The following RFTN1 variants were observed in gnomAD, a reference collection of about 807,000 sequenced individuals.
RFTN1 encodes the protein raftlin, lipid raft linker 1, also known as raftlin.
RFTN1 carries 26 observed loss-of-function variants against 46.5 expected under a neutral mutation model. That is an observed-to-expected ratio of 0.56 (90% CI 0.41 to 0.78). The LOEUF is 0.78. Among genes scored for constraint, RFTN1 ranks in the 30% least tolerant of loss-of-function variants. The pLI is 0.00. For missense variants in RFTN1, 693 were observed against 718.7 expected (o/e 0.96, Z 0.41); for synonymous variants, 261 against 284.2 (o/e 0.92, Z 0.82).
intron 7 of RFTN1, 55 bp downstream of exon 7, chr3:16,357,877 G>A: frequency 8.9e-7 from 1 of 1,117,518 alleles, no homozygotes. Context: ...CAAGCAGGCG[G>A]ATAAAACAAG....
intron 4 of RFTN1, among the ~76,000 whole-genome samples, chr3:16,399,931 C>T (rs1575223427): frequency 1.3e-5 from 2 of 152,208 alleles, no homozygotes; most frequent in African/African-American, 4.8e-5. Context: ...TGTCAAGACG[C>T]TCCACCTAAA....
Position 16,356,543 on chromosome 3 carries a change from G to C in RFTN1, c.1146+1389C>G, listed in dbSNP as rs2072446882. Reference sequence around the variant, plus strand: ...TTCACGTGTGCTGGGAACTGCTGCAGCTTCAAAGCTGAGTAATAGTGTCCC... The same window carrying C: ...TTCACGTGTGCTGGGAACTGCTGCACCTTCAAAGCTGAGTAATAGTGTCCC... On this transcript the variant is annotated intron_variant, in intron 7 of 9. Coordinates refer to ENST00000334133, the MANE Select transcript of RFTN1 (RefSeq NM_015150.2). This position sits in a 1 kb window ranked among gnomAD's most constrained non-coding sequence, Gnocchi z 4.9. Among the ~76,000 whole-genome samples, 1 of 152,230 alleles carries C rather than the reference G, an allele frequency of 6.6e-6. No individual in the cohort carries two copies. Among genetic ancestry groups the C allele is most frequent in the South Asian group, 2.1e-4 (1 of 4,826 alleles).
chr3:16,508,334 A>G (rs1348351692), intron 1 of RFTN1, among the ~76,000 whole-genome samples: 1 of 152,214 alleles, frequency 6.6e-6, no homozygotes, highest in East Asian at 1.9e-4. Context: ...CAAGTACCCC[A>G]AATGGTGTCT....
Position 16,500,670 on chromosome 3 carries a change from T to G in RFTN1, c.-8-6793A>C, listed in dbSNP as rs1287510077. On this transcript the variant is annotated intron_variant, in intron 1 of 9. Transcript: ENST00000334133. The surrounding 1 kb of genome is among the most constrained non-coding windows in gnomAD (Gnocchi z 5.9). ...TGAATGGTGATCTTCTGGAAAAAAT[T>G]TTGGCTGAATCAAACCTTAAGTGGG... Among the ~76,000 whole-genome samples, 1 of 152,146 alleles carries G rather than the reference T, an allele frequency of 6.6e-6. No individual in the cohort carries two copies. The highest frequency in any genetic ancestry group is 1.5e-5 in the Non-Finnish European group (1 of 68,018).
chr3:16,324,209 T>C (rs936179542), intron 8 of RFTN1, among the ~76,000 whole-genome samples: 11 of 152,236 alleles, frequency 7.2e-5, no homozygotes, highest in African/African-American at 2.4e-4. Context: ...TGTTTTGATA[T>C]ATGTTTACAA....
At chr3:16,510,472 G>A (rs910923966) in intron 1 of RFTN1, among the ~76,000 whole-genome samples, 9 of 152,082 alleles carry the variant, frequency 5.9e-5, no homozygotes, top group Non-Finnish European at 1.0e-4. Context: ...TCATCTGATC[G>A]TCTGCAATGA....
In RFTN1 at chr3:16,447,883, G is replaced by A. The variant is rs1238613179; in HGVS notation, c.146-13846C>T. 2.6e-5 allele frequency among the ~76,000 whole-genome samples: 4 copies of A among 152,208 alleles called. No homozygotes were observed. Among genetic ancestry groups the A allele is most frequent in the African/African-American group, 9.7e-5 (4 of 41,440 alleles). On this transcript the variant is annotated intron_variant, in intron 2 of 9. Coordinates refer to ENST00000334133, the MANE Select transcript of RFTN1 (RefSeq NM_015150.2). The surrounding 1 kb of genome is among the most constrained non-coding windows in gnomAD (Gnocchi z 5.9). ...GCCATGGAGAAGTCTGGCCTTTGAG[G>A]TTACGCATGAGGATCTGATAGGCAT...
At chr3:16,389,078 T>G (rs1215483594) in intron 4 of RFTN1, among the ~76,000 whole-genome samples, 1 of 152,240 alleles carries the variant, frequency 6.6e-6, no homozygotes, top group Non-Finnish European at 1.5e-5. Context: ...TGCTTTAACA[T>G]CCAGTATTCG....
chr3:16,475,336 C>T lies in RFTN1; in HGVS notation c.145+18389G>A, dbSNP rs990955462. ...GACACCTAGTATGTTTAGAGTTTTG[C>T]TTACCAGCCCCACAATTTTTGAATC... On this transcript the variant is annotated intron_variant, in intron 2 of 9. Transcript: ENST00000334133. This position sits in a 1 kb window ranked among gnomAD's most constrained non-coding sequence, Gnocchi z 4.2. Among the ~76,000 whole-genome samples the T allele has an allele frequency of 1.3e-5, 2 of 152,214 alleles. No individual in the cohort carries two copies. The highest frequency in any genetic ancestry group is 2.4e-5 in the African/African-American group (1 of 41,448).
Position 16,475,007 on chromosome 3 carries a change from A to G in RFTN1, c.145+18718T>C, listed in dbSNP as rs1036555288. The stretch of plus-strand genomic sequence containing the variant: ...GGGCCTAGTGGGAGGTGTTTGGGTC[A>G]TAGGGGCGGATCCCTCACGAAAGGC... On this transcript the variant is annotated intron_variant, in intron 2 of 9. Transcript: ENST00000334133. The surrounding 1 kb of genome is among the most constrained non-coding windows in gnomAD (Gnocchi z 4.2). Among the ~76,000 whole-genome samples, 1 of 152,194 alleles carries G rather than the reference A, an allele frequency of 6.6e-6. No individual in the cohort carries two copies. The highest frequency in any genetic ancestry group is 2.1e-4 in the South Asian group (1 of 4,834).
intron 2 of RFTN1, among the ~76,000 whole-genome samples, chr3:16,455,135 G>A (rs772887393): frequency 2.0e-5 from 3 of 152,224 alleles, no homozygotes; most frequent in Non-Finnish European, 4.4e-5. Context: ...GCTCACAAGA[G>A]TTGGACCCTG....
rs1368516964 is a variant in RFTN1 at position 16,427,870 on chromosome 3, T to C, written c.332+5981A>G. Among the ~76,000 whole-genome samples the C allele has an allele frequency of 2.0e-5, 3 of 152,036 alleles. No homozygotes were observed. The highest frequency in any genetic ancestry group is 7.2e-5 in the African/African-American group (3 of 41,390). On this transcript the variant is annotated intron_variant, in intron 3 of 9. Transcript: ENST00000334133. This position sits in a 1 kb window ranked among gnomAD's most constrained non-coding sequence, Gnocchi z 5.4. ...GGGAAGGCCCTTCCCACTTTTTCACTCCCTATTCCAGTCTACCCATCATGC... is the reference window on the plus strand; with the variant it reads ...GGGAAGGCCCTTCCCACTTTTTCACCCCCTATTCCAGTCTACCCATCATGC...
rs2075791867 is a variant in RFTN1 at position 16,449,655 on chromosome 3, G to A, written c.146-15618C>T. On this transcript the variant is annotated intron_variant, in intron 2 of 9. Coordinates refer to ENST00000334133, the MANE Select transcript of RFTN1 (RefSeq NM_015150.2). The surrounding 1 kb of genome is among the most constrained non-coding windows in gnomAD (Gnocchi z 5.1). ...ATCCTTAAGTCTCGGAACCACTCCA[G>A]CTCTGCATCAATATTCTTCAGCTTT... 6.6e-6 allele frequency among the ~76,000 whole-genome samples: 1 copy of A among 152,172 alleles called. No homozygotes were observed. Among genetic ancestry groups the A allele is most frequent in the Non-Finnish European group, 1.5e-5 (1 of 68,028 alleles).
In RFTN1 at chr3:16,498,937, C is replaced by T. The variant is rs1227698019; in HGVS notation, c.-8-5060G>A. Among the ~76,000 whole-genome samples the T allele has an allele frequency of 6.6e-6, 1 of 152,130 alleles. No homozygotes were observed. ...GAGTTTTGTAGACTATATTATTTAC[C>T]ATGTGACATTCCCAAACCATGCTCA... On this transcript the variant is annotated intron_variant, in intron 1 of 9. Coordinates refer to ENST00000334133, the MANE Select transcript of RFTN1 (RefSeq NM_015150.2). This position sits in a 1 kb window ranked among gnomAD's most constrained non-coding sequence, Gnocchi z 5.2.
At chr3:16,397,325 A>C (rs1205784497) in intron 4 of RFTN1, among the ~76,000 whole-genome samples, 1 of 152,220 alleles carries the variant, frequency 6.6e-6, no homozygotes, top group Non-Finnish European at 1.5e-5. Flanking sequence ...AGAAACAATA[A>C]AACACTGGTT....
chr3:16,454,083 C>A (rs2124913255), intron 2 of RFTN1, among the ~76,000 whole-genome samples: 1 of 152,320 alleles, frequency 6.6e-6, no homozygotes, highest in African/African-American at 2.4e-5. Flanking sequence ...CAGATCTGAG[C>A]TTCCCTAGAT....
chr3:16,334,120 G>A lies in RFTN1; in HGVS notation c.1147-7244C>T, dbSNP rs1027962298. Among the ~76,000 whole-genome samples, 1 of 152,182 alleles carries A rather than the reference G, an allele frequency of 6.6e-6. No individual in the cohort carries two copies. The highest frequency in any genetic ancestry group is 1.5e-5 in the Non-Finnish European group (1 of 68,030). ...GCAGAAGCTGCAGTGAGCCGAGATC[G>A]TGCCACTGCACTCCAGCCTGGGCGA... On this transcript the variant is annotated intron_variant, in intron 7 of 9. Coordinates refer to ENST00000334133, the MANE Select transcript of RFTN1 (RefSeq NM_015150.2). This position sits in a 1 kb window ranked among gnomAD's most constrained non-coding sequence, Gnocchi z 4.3.
intron 5 of RFTN1, among the ~76,000 whole-genome samples, chr3:16,371,578 C>T (rs941183518): frequency 1.3e-5 from 2 of 152,224 alleles, no homozygotes; most frequent in African/African-American, 2.4e-5. Flanking sequence ...CCCGCCTGAG[C>T]GAACACCAGC....
rs1034982296 is a variant in RFTN1, at chr3:16,442,751, C to T, written c.146-8714G>A. 1.3e-5 allele frequency among the ~76,000 whole-genome samples: 2 copies of T among 152,176 alleles called. No individual in the cohort carries two copies. The highest frequency in any genetic ancestry group is 2.4e-5 in the African/African-American group (1 of 41,436). On this transcript the variant is annotated intron_variant, in intron 2 of 9. Coordinates refer to ENST00000334133, the MANE Select transcript of RFTN1 (RefSeq NM_015150.2). The surrounding 1 kb of genome is among the most constrained non-coding windows in gnomAD (Gnocchi z 4.1). ...CCCATCTCCCTGCATCTCCCTGACCCCCCAAACTACAGTTCTACTCTCTGT... is the reference window on the plus strand; with the variant it reads ...CCCATCTCCCTGCATCTCCCTGACCTCCCAAACTACAGTTCTACTCTCTGT...
Sources: allele counts gnomAD v4.1 joint callset (sites outside exome capture counted in the v4.1 genomes callset), GRCh38; gene constraint gnomAD v4.1.1; non-coding constraint Gnocchi (gnomAD v3.1); transcripts MANE v1.5; gene names NCBI Gene and HGNC (gene_info 2026-07-23, HGNC 2026-07-21).